The following PADI4 variants were observed in gnomAD, a reference collection of about 807,000 sequenced individuals.
PADI4 encodes protein-arginine deiminase type-4.
PADI4 carries 62 observed loss-of-function variants against 75.0 expected under a neutral mutation model. The observed-to-expected ratio is 0.83, with a 90% CI of 0.67 to 1.02. The LOEUF (loss-of-function observed/expected upper bound fraction) is 1.02, where lower values mean the gene tolerates loss of function less well. Ranked by LOEUF, PADI4 falls within the 50% of genes least tolerant of loss-of-function variation. The pLI, the probability that PADI4 is intolerant of heterozygous loss-of-function variation, is 0.00. For missense variants in PADI4, 845 were observed against 850.5 expected (o/e 0.99, Z 0.08); for synonymous variants, 361 against 348.1 (o/e 1.04, Z -0.41).
At chr1:17,321,590 T>C (rs1037411414) in intron 1 of PADI4, among the ~76,000 whole-genome samples, 1 of 152,104 alleles carries the variant, frequency 6.6e-6, no homozygotes, top group Non-Finnish European at 1.5e-5. Flanking sequence ...ATTGACTTCG[T>C]GAGGGTAGAA....
Position 17,346,354 on chromosome 1 carries a change from C to T in PADI4, c.1047+215C>T, listed in dbSNP as rs1177691093. ...GCCACTGCAGGCCCACTGCAGTCAC[C>T]AAGATGAAGCCACCTTCCTGCTTGA... On this transcript the variant is annotated intron_variant, in intron 9 of 15. Transcript: ENST00000375448. The surrounding 1 kb of genome is among the most constrained non-coding windows in gnomAD (Gnocchi z 4.3). Among the ~76,000 whole-genome samples, 1 of 152,168 alleles carries T rather than the reference C, an allele frequency of 6.6e-6. No individual in the cohort carries two copies. The highest frequency in any genetic ancestry group is 2.4e-5 in the African/African-American group (1 of 41,454).
chr1:17,361,167 C>T (rs1180725556), intron 15 of PADI4, among the ~76,000 whole-genome samples: 4 of 152,176 alleles, frequency 2.6e-5, no homozygotes, highest in South Asian at 2.1e-4. Flanking sequence ...CCTGGGGCTC[C>T]GGGGTGGTGC....
chr1:17,315,431 T>G (rs553061204), intron 1 of PADI4, among the ~76,000 whole-genome samples: 39 of 152,232 alleles, frequency 2.6e-4, no homozygotes, highest in African/African-American at 9.1e-4. Context: ...TACTTGGCAC[T>G]CAGCTATCAT....
chr1:17,342,026 A>C lies in PADI4; in HGVS notation c.736A>C (p.Asn246His), dbSNP rs1414755051. 11 of 1,613,888 alleles carry C rather than the reference A, an allele frequency of 6.8e-6. No individual in the cohort carries two copies. The highest frequency in any genetic ancestry group is 9.3e-6 in the Non-Finnish European group (11 of 1,179,890). The change falls in exon 7 of 16, where the codon AAC becomes CAC. Residue 246 changes from asparagine (N) to histidine (H), a missense_variant. Coordinates refer to ENST00000375448, the MANE Select transcript of PADI4 (RefSeq NM_012387.3). ...HYLMVPGGKHNMDFYVEALAF... is the reference protein window; with the variant it reads ...HYLMVPGGKHHMDFYVEALAF... The stretch of plus-strand genomic sequence containing the variant: ...CCTGATGGTCCCCGGTGGAAAGCAC[A>C]ACATGGACTTCTACGTGGAGGCCCT...
chr1:17,319,013 G>A (rs1384945684), intron 1 of PADI4, among the ~76,000 whole-genome samples: 2 of 151,830 alleles, frequency 1.3e-5, no homozygotes, highest in Non-Finnish European at 2.9e-5. Flanking sequence ...TGTGGAGACA[G>A]GGTCTAGCTA....
chr1:17,331,791 G>T (rs1377558620), intron 2 of PADI4, among the ~76,000 whole-genome samples: 1 of 152,062 alleles, frequency 6.6e-6, no homozygotes, highest in African/African-American at 2.4e-5. Context: ...AGTGGCGAGC[G>T]CCTGTAATCC....
chr1:17,352,078 G>GT (rs2074659144), intron 10 of PADI4, among the ~76,000 whole-genome samples: 1 of 136,168 alleles, frequency 7.3e-6, no homozygotes, highest in Non-Finnish European at 1.6e-5. Context: ...GGGAAGAGAG[G>GT]CAGTCAGGGA....
chr1:17,338,578 C>T (rs928153237), intron 5 of PADI4, among the ~76,000 whole-genome samples: 39 of 152,208 alleles, frequency 2.6e-4, no homozygotes, highest in African/African-American at 9.2e-4. Context: ...TCTGATCTTC[C>T]AACACAAACC....
At chr1:17,359,000 G>C in intron 14 of PADI4, 92 bp downstream of exon 14, 1 of 858,560 alleles carries the variant, frequency 1.2e-6, no homozygotes, top group South Asian at 1.5e-5. Flanking sequence ...CAGAGGCTCA[G>C]GGTCTCAGGA....
intron 10 of PADI4, among the ~76,000 whole-genome samples, chr1:17,349,853 C>T (rs190240558): frequency 7.9e-6 from 1 of 126,960 alleles, no homozygotes; most frequent in South Asian, 3.0e-4. Context: ...CTCTCGCTGT[C>T]CCTTACCCAG....
chr1:17,311,455 T>A (rs114373956), intron 1 of PADI4, among the ~76,000 whole-genome samples: 9 of 151,820 alleles, frequency 5.9e-5, no homozygotes, highest in African/African-American at 2.2e-4. Context: ...AGGTGCCAAC[T>A]GCAAAGGGCA....
At chr1:17,310,818 AC>A (rs1380124975) in intron 1 of PADI4, among the ~76,000 whole-genome samples, 5 of 151,682 alleles carry the variant, frequency 3.3e-5, no homozygotes, top group African/African-American at 1.2e-4. Flanking sequence ...AAAAAATTAG[AC>A]GGGGCGCAAT....
intron 1 of PADI4, among the ~76,000 whole-genome samples, chr1:17,329,878 T>A (rs1354869421): frequency 6.6e-6 from 1 of 152,232 alleles, no homozygotes; most frequent in Non-Finnish European, 1.5e-5. Flanking sequence ...ACTGTGTATG[T>A]GCATGTGTGT....
chr1:17,344,093 A>G (rs1293611052), intron 8 of PADI4, among the ~76,000 whole-genome samples: 1 of 152,194 alleles, frequency 6.6e-6, no homozygotes, highest in Admixed American at 6.5e-5. Context: ...GAACAATGAA[A>G]TCCAGACTGA....
chr1:17,352,813 T>C (rs1021293695), intron 10 of PADI4, among the ~76,000 whole-genome samples: 2 of 152,148 alleles, frequency 1.3e-5, no homozygotes, highest in African/African-American at 4.8e-5. Context: ...TGAGCGTGGA[T>C]ACACATGTGA....
Position 17,333,940 on chromosome 1 carries a change from T to A in PADI4, c.274-3T>A. On this transcript the variant is annotated splice_polypyrimidine_tract_variant and splice_region_variant and intron_variant, in intron 2 of 15. Coordinates refer to ENST00000375448, the MANE Select transcript of PADI4 (RefSeq NM_012387.3). ...AAGTCATTAGTGATCTGCTCTCCCA[T>A]AGGTTCAGATTTCATACTACGGACC... 6.2e-7 allele frequency: 1 copy of A among 1,607,368 alleles called. No individual in the cohort carries two copies. The highest frequency in any genetic ancestry group is 8.5e-7 in the Non-Finnish European group (1 of 1,173,890).
intron 11 of PADI4, among the ~76,000 whole-genome samples, chr1:17,355,590 T>G (rs1177314198): frequency 3.3e-5 from 5 of 152,124 alleles, no homozygotes; most frequent in Admixed American, 1.3e-4. Flanking sequence ...ACTAATTTTT[T>G]TTTTTAGGAG....
Position 17,324,145 on chromosome 1 carries a change from G to T in PADI4, c.93-6824G>T, listed in dbSNP as rs888680988. Among the ~76,000 whole-genome samples, 6 of 140,926 alleles carry T rather than the reference G, an allele frequency of 4.3e-5. No individual in the cohort carries two copies. The East Asian group carries it at 1.0e-3, about 24-fold the overall frequency. The allele number at this position is 140,926 out of a possible 152,430, so 92.5% of individuals were successfully genotyped here. Reference sequence around the variant, plus strand: ...GGGGCTGGCTAATAACACCAAGTTGGGTTTTTTTTGTTTTTTTTTTTTTGC... The same window carrying T: ...GGGGCTGGCTAATAACACCAAGTTGTGTTTTTTTTGTTTTTTTTTTTTTGC... On this transcript the variant is annotated intron_variant, in intron 1 of 15. Coordinates refer to ENST00000375448, the MANE Select transcript of PADI4 (RefSeq NM_012387.3).
In PADI4 at chr1:17,334,557, G is replaced by C. The variant is rs544547343; in HGVS notation, c.340+548G>C. 1.2e-3 allele frequency: 562 copies of C among 454,542 alleles called. 9 individuals are homozygous for C. Among genetic ancestry groups the C allele is most frequent in the South Asian group, 8.1e-3 (520 of 64,348 alleles). 28.2% of individuals were successfully genotyped at this position (454,542 alleles called of 1,614,324 possible). A position where few individuals can be genotyped will look rare whatever the true frequency, so the allele number is the denominator to read the frequency against. On this transcript the variant is annotated intron_variant, in intron 3 of 15. Transcript: ENST00000375448. The stretch of plus-strand genomic sequence containing the variant: ...ACCTCAGGTGATCTGCCTGCCTCAG[G>C]CTCCCAAAGTGCTCGGATTACTGGC...
Sources: gnomAD v4.1 joint callset for allele counts (sites outside exome capture counted in the v4.1 genomes callset) on GRCh38, gnomAD v4.1.1 for gene constraint, Gnocchi (gnomAD v3.1) non-coding constraint, MANE v1.5 for transcripts, NCBI Gene and HGNC (gene_info 2026-07-23, HGNC 2026-07-21) for gene names.